The following RANBP17 variants were observed in gnomAD, a reference collection of about 807,000 sequenced individuals.
RANBP17 encodes RAN binding protein 17, also known as ran-binding protein 17.
Under a neutral mutation model 141.2 loss-of-function variants are expected in RANBP17, and 158 were observed. That is an observed-to-expected ratio of 1.12 (90% CI 0.98 to 1.28). RANBP17 has a LOEUF of 1.28. Ranked by LOEUF, RANBP17 falls within the 50% of genes most tolerant of loss-of-function variation. The pLI, the probability that RANBP17 is intolerant of heterozygous loss-of-function variation, is 0.00. For synonymous variants in RANBP17, 430 were observed against 450.0 expected (o/e 0.96, Z 0.56); for missense variants, 1,438 against 1,290.7 (o/e 1.11, Z -1.75).
At chr5:171,294,473 C>CA (rs1304613075) in intron 26 of RANBP17, among the ~76,000 whole-genome samples, 2 of 152,176 alleles carry the variant, frequency 1.3e-5, no homozygotes, top group African/African-American at 4.8e-5. Context: ...CAAGCCTCTC[C>CA]AGCTTCCTCT....
chr5:171,267,545 C>T (rs544666319), intron 25 of RANBP17, among the ~76,000 whole-genome samples: 1 of 152,218 alleles, frequency 6.6e-6, no homozygotes, highest in East Asian at 1.9e-4. Flanking sequence ...CAGTGACTCA[C>T]GCCTGTAATC....
intron 25 of RANBP17, among the ~76,000 whole-genome samples, chr5:171,287,367 A>G (rs1476652942): frequency 1.3e-5 from 2 of 152,070 alleles, no homozygotes; most frequent in Admixed American, 6.6e-5. Flanking sequence ...GCCCGTGCCT[A>G]TAGCCCCAGC....
At chr5:171,270,866 TTTG>T (rs1483855479) in intron 25 of RANBP17, among the ~76,000 whole-genome samples, 1 of 152,010 alleles carries the variant, frequency 6.6e-6, no homozygotes, top group Non-Finnish European at 1.5e-5. Context: ...ACGCAATTAA[TTTG>T]TTAAGAGTGT....
chr5:171,012,508 G>A lies in RANBP17; in HGVS notation c.1710+44131G>A, dbSNP rs1780127329. Among the ~76,000 whole-genome samples, 2 of 152,150 alleles carry A rather than the reference G, an allele frequency of 1.3e-5. 1 individual carries two copies. The highest frequency in any genetic ancestry group is 1.3e-4 in the Admixed American group (2 of 15,252). On this transcript the variant is annotated intron_variant, in intron 14 of 27. Transcript: ENST00000523189. ...TGTACATTTCCTAGGATTCTTTTGA[G>A]AAAACTAATTTTGATCAAGATTCTC... is the stretch of plus-strand genomic sequence containing the variant.
At chr5:171,294,295 G>A (rs1298340487) in intron 26 of RANBP17, among the ~76,000 whole-genome samples, 5 of 152,142 alleles carry the variant, frequency 3.3e-5, no homozygotes, top group Admixed American at 6.6e-5. Context: ...AGAATTCTGA[G>A]CAACAACCCT....
At chr5:170,887,037 T>A (rs1377851127) in intron 3 of RANBP17, among the ~76,000 whole-genome samples, 2 of 152,164 alleles carry the variant, frequency 1.3e-5, no homozygotes, top group African/African-American at 4.8e-5. Context: ...AATCCATGCA[T>A]AAGTGGTTCT....
intron 14 of RANBP17, among the ~76,000 whole-genome samples, chr5:171,018,241 CT>C (rs1780593838): frequency 6.6e-6 from 1 of 151,928 alleles, no homozygotes; most frequent in African/African-American, 2.4e-5. Flanking sequence ...TATATGGGCT[CT>C]TTTTTGGTTC....
intron 14 of RANBP17, among the ~76,000 whole-genome samples, chr5:171,128,052 G>T (rs1756623517): frequency 6.6e-6 from 1 of 152,094 alleles, no homozygotes; most frequent in African/African-American, 2.4e-5. Context: ...CAGCTACTTG[G>T]GAGGCTGAGG....
At chr5:170,914,050 T>A in intron 7 of RANBP17, 117 bp from the exon 8 acceptor site, 1 of 680,210 alleles carries the variant, frequency 1.5e-6, no homozygotes, top group Non-Finnish European at 2.6e-6. Context: ...TAGGCCTAAC[T>A]GGAAGGAATG....
intron 5 of RANBP17, among the ~76,000 whole-genome samples, chr5:170,905,305 TA>T (rs1338172196): frequency 1.3e-5 from 2 of 152,156 alleles, no homozygotes; most frequent in African/African-American, 2.4e-5. Context: ...ATGTAGTGTT[TA>T]AAAACTGTCA....
At chr5:171,070,564 A>G (rs1263161811) in intron 14 of RANBP17, among the ~76,000 whole-genome samples, 2 of 152,166 alleles carry the variant, frequency 1.3e-5, no homozygotes, top group Non-Finnish European at 2.9e-5. Context: ...AATTTCTGAC[A>G]TAGATGGAAA....
intron 14 of RANBP17, among the ~76,000 whole-genome samples, chr5:171,058,880 T>A (rs1324823023): frequency 1.1e-4 from 16 of 150,702 alleles, no homozygotes; most frequent in South Asian, 6.3e-4. Context: ...GGTATCTCAT[T>A]GTGGTTTTGA....
At chr5:170,913,434 G>C (rs1771694385) in intron 7 of RANBP17, among the ~76,000 whole-genome samples, 1 of 152,014 alleles carries the variant, frequency 6.6e-6, no homozygotes, top group East Asian at 1.9e-4. Flanking sequence ...AGAGCATTTG[G>C]AGAGAATTAG....
chr5:171,064,398 TTC>T (rs1784154412), intron 14 of RANBP17, among the ~76,000 whole-genome samples: 1 of 152,258 alleles, frequency 6.6e-6, no homozygotes, highest in Non-Finnish European at 1.5e-5. Context: ...TAATTTGCAT[TTC>T]TCTTTTATAT....
chr5:171,074,830 A>G (rs1222449569), intron 14 of RANBP17, among the ~76,000 whole-genome samples: 5 of 152,144 alleles, frequency 3.3e-5, no homozygotes, highest in East Asian at 1.9e-4. Flanking sequence ...AAGCTTGTTT[A>G]TATTATTTAC....
intron 14 of RANBP17, among the ~76,000 whole-genome samples, chr5:171,094,883 A>G (rs1245470722): frequency 1.3e-5 from 2 of 152,124 alleles, no homozygotes; most frequent in Middle Eastern, 3.2e-3. Context: ...TTGTTCCCCC[A>G]AAGTTTGTGT....
intron 14 of RANBP17, among the ~76,000 whole-genome samples, chr5:171,136,969 A>T (rs1379173134): frequency 1.3e-5 from 2 of 152,082 alleles, no homozygotes; most frequent in Non-Finnish European, 2.9e-5. Context: ...GTAAATTGTC[A>T]GTAGTGCAGG....
chr5:171,021,066 A>T (rs989220159), intron 14 of RANBP17, among the ~76,000 whole-genome samples: 2 of 152,190 alleles, frequency 1.3e-5, no homozygotes, highest in Admixed American at 6.5e-5. Flanking sequence ...TTCTGGGTTG[A>T]AAATTCTTTT....
chr5:171,176,543 A>G (rs1424120812), intron 16 of RANBP17, among the ~76,000 whole-genome samples: 3 of 152,186 alleles, frequency 2.0e-5, no homozygotes, highest in Non-Finnish European at 4.4e-5. Context: ...CAGAATTGAC[A>G]CTGATTGCAA....
Sources: allele counts gnomAD v4.1 joint callset (sites outside exome capture counted in the v4.1 genomes callset), GRCh38; gene constraint gnomAD v4.1.1; transcripts MANE v1.5; gene names NCBI Gene and HGNC (gene_info 2026-07-23, HGNC 2026-07-21).